The following AFAP1L1 variants were observed in gnomAD, a reference collection of about 807,000 sequenced individuals.
AFAP1L1 encodes actin filament associated protein 1 like 1.
AFAP1L1 carries 77 observed loss-of-function variants against 99.8 expected under a neutral mutation model. That is an observed-to-expected ratio of 0.77 (90% CI 0.64 to 0.93). The LOEUF is 0.93. Among genes scored for constraint, AFAP1L1 ranks in the 40% least tolerant of loss-of-function variants. The probability of loss-of-function intolerance (pLI) is 0.00; values close to 1 mark genes in which losing one functional copy is unlikely to be tolerated. For missense variants in AFAP1L1, 893 were observed against 996.8 expected, an observed-to-expected ratio of 0.90 and a Z score of 1.40; for synonymous variants, 373 against 395.3, an observed-to-expected ratio of 0.94 and a Z score of 0.67.
At chr5:149,336,515 T>C (rs1188385565) in intron 18 of AFAP1L1, among the ~76,000 whole-genome samples, 1 of 152,224 alleles carries the variant, frequency 6.6e-6, no homozygotes, top group Non-Finnish European at 1.5e-5. Flanking sequence ...AGAATGTATT[T>C]CTTAAGAGTT....
intron 4 of AFAP1L1, among the ~76,000 whole-genome samples, chr5:149,302,029 G>T (rs545315570): frequency 4.6e-5 from 7 of 152,218 alleles, no homozygotes; most frequent in African/African-American, 1.7e-4. Context: ...ACTCAGCTGC[G>T]GGTGGTCCTG....
Position 149,293,381 on chromosome 5 carries a change from G to C in AFAP1L1, c.17-6128G>C, listed in dbSNP as rs1755920617. ...CCTGTGCTTTTAGCCACTCTTCCAT[G>C]ACTTATCTTAAGCATCAAGCTTTGT... On this transcript the variant is annotated intron_variant, in intron 1 of 18. Coordinates refer to ENST00000296721, the MANE Select transcript of AFAP1L1 (RefSeq NM_152406.4). Among the ~76,000 whole-genome samples, 3 of 152,268 alleles carry C rather than the reference G, an allele frequency of 2.0e-5. No homozygotes were observed. The East Asian group carries it at 5.8e-4, about 29-fold the overall frequency.
At chr5:149,309,682 G>A (rs1464196238) in intron 7 of AFAP1L1, among the ~76,000 whole-genome samples, 1 of 152,014 alleles carries the variant, frequency 6.6e-6, no homozygotes, top group Non-Finnish European at 1.5e-5. Flanking sequence ...TGGTTCTTTA[G>A]GCTAACCTGG....
intron 7 of AFAP1L1, among the ~76,000 whole-genome samples, chr5:149,308,575 C>A (rs928415667): frequency 3.9e-5 from 6 of 152,202 alleles, no homozygotes; most frequent in African/African-American, 1.4e-4. Flanking sequence ...AGAATAGCTT[C>A]TCTCCCCAGA....
At position 149,332,675 on chromosome 5, in the gene AFAP1L1, A is replaced by G. The variant is rs369538416; in HGVS notation, c.1976-20A>G. The G allele has an allele frequency of 6.2e-7, 1 of 1,603,692 alleles. No homozygotes were observed. The highest frequency in any genetic ancestry group is 8.5e-7 in the Non-Finnish European group (1 of 1,176,462). ...TTCAGGTCAGGTTCAGCTTTTTCTT[A>G]TCAATGTCTCTTGATTCAGGAGCAA... On this transcript the variant is annotated intron_variant, in intron 16 of 18. Transcript: ENST00000296721.
chr5:149,335,561 C>T, intron 17 of AFAP1L1, 33 bp from the exon 18 acceptor site: 2 of 1,608,596 alleles, frequency 1.2e-6, no homozygotes, highest in Non-Finnish European at 1.7e-6. Context: ...ATCACCAGAT[C>T]TCACCTATAT....
In AFAP1L1 at chr5:149,341,362, G is replaced by A. The variant is rs889287231; in HGVS notation, c.*1332G>A. 2.0e-5 allele frequency: 3 copies of A among 152,128 alleles called. No homozygotes were observed. The highest frequency in any genetic ancestry group is 7.2e-5 in the African/African-American group (3 of 41,416). 9.4% of individuals were successfully genotyped at this position (152,128 alleles called of 1,614,324 possible). ...ACCCACTGATTAGTGGCAGAGCGTA[G>A]GACTTAGGGGTTATAAGCCCAGATC... On this transcript the variant is annotated 3_prime_UTR_variant, in exon 19 of 19. Transcript: ENST00000296721.
rs1198026997 is a variant in AFAP1L1, at chr5:149,315,824, C to T, written c.1024C>T (p.Leu342=). 6.2e-7 allele frequency: 1 copy of T among 1,613,990 alleles called. No homozygotes were observed. Among genetic ancestry groups the T allele is most frequent in the Non-Finnish European group, 8.5e-7 (1 of 1,179,988 alleles). ...LLCKLDLDKR[L]SQEKQTSDSD... ...GACTGCCTGTGTCCCTCCTCAGAGG[C>T]TGTCCCAAGAGAAGCAGACCTCAGA... The change falls in exon 10 of 19, where the codon CTG becomes TTG. Residue 342 remains leucine, a synonymous_variant. Coordinates refer to ENST00000296721, the MANE Select transcript of AFAP1L1 (RefSeq NM_152406.4).
intron 7 of AFAP1L1, among the ~76,000 whole-genome samples, chr5:149,308,124 G>A (rs1248163781): frequency 6.6e-6 from 1 of 151,982 alleles, no homozygotes. Flanking sequence ...ACTCCAACTT[G>A]GGCAACGGTG....
chr5:149,290,566 A>G (rs1311687130), intron 1 of AFAP1L1, among the ~76,000 whole-genome samples: 4 of 152,248 alleles, frequency 2.6e-5, no homozygotes, highest in Non-Finnish European at 4.4e-5. Flanking sequence ...TAGAATTAAA[A>G]TCCACCAACT....
rs986913562 is a variant in AFAP1L1, at chr5:149,343,209, C to G, written c.*3179C>G. 1.3e-5 allele frequency among the ~76,000 whole-genome samples: 2 copies of G among 152,124 alleles called. No individual in the cohort carries two copies. Among genetic ancestry groups the G allele is most frequent in the African/African-American group, 4.8e-5 (2 of 41,412 alleles). ...AGATAAAAAGATGAAAATACTCCAG[C>G]TCTGTCCTCATGGAACTCAGAGACA... On this transcript the variant is annotated 3_prime_UTR_variant, in exon 19 of 19. Coordinates refer to ENST00000296721, the MANE Select transcript of AFAP1L1 (RefSeq NM_152406.4).
chr5:149,299,232 G>A (rs1756108994), intron 1 of AFAP1L1, among the ~76,000 whole-genome samples: 1 of 152,192 alleles, frequency 6.6e-6, no homozygotes, highest in Non-Finnish European at 1.5e-5. Flanking sequence ...TGAGCTCAGG[G>A]TTGCCAGATG....
intron 1 of AFAP1L1, among the ~76,000 whole-genome samples, chr5:149,278,362 T>C (rs549884449): frequency 1.3e-5 from 2 of 152,156 alleles, no homozygotes; most frequent in Admixed American, 1.3e-4. Context: ...CACAAATGGC[T>C]TCCACTTCCA....
intron 7 of AFAP1L1, 54 bp downstream of exon 7, chr5:149,307,667 G>T: frequency 6.4e-7 from 1 of 1,566,406 alleles, no homozygotes; most frequent in South Asian, 1.1e-5. Context: ...TTGCATGTGG[G>T]TGTGTCTCTA....
chr5:149,325,962 T>C (rs923346838), intron 15 of AFAP1L1, among the ~76,000 whole-genome samples: 2 of 152,218 alleles, frequency 1.3e-5, no homozygotes, highest in Admixed American at 6.5e-5. Flanking sequence ...AATTTCATTA[T>C]GAGTTTTGGA....
intron 1 of AFAP1L1, among the ~76,000 whole-genome samples, chr5:149,288,499 C>G (rs1755751874): frequency 6.6e-6 from 1 of 152,188 alleles, no homozygotes; most frequent in East Asian, 1.9e-4. Flanking sequence ...CCAGATTACT[C>G]CCTGGGACTA....
At chr5:149,327,537 T>A (rs1366569051) in intron 15 of AFAP1L1, among the ~76,000 whole-genome samples, 4 of 152,028 alleles carry the variant, frequency 2.6e-5, no homozygotes, top group African/African-American at 9.7e-5. Flanking sequence ...AGTATAGTCA[T>A]ATGGAATATA....
At chr5:149,314,822 G>C (rs1165223108) in intron 9 of AFAP1L1, among the ~76,000 whole-genome samples, 1 of 152,248 alleles carries the variant, frequency 6.6e-6, no homozygotes, top group Non-Finnish European at 1.5e-5. Flanking sequence ...TCAGAGCTCT[G>C]TAATTCCACC....
chr5:149,332,884 G>A lies in AFAP1L1; in HGVS notation c.2154+11G>A. 1 of 1,555,746 alleles carries A rather than the reference G, an allele frequency of 6.4e-7. No individual in the cohort carries two copies. The highest frequency in any genetic ancestry group is 8.7e-7 in the Non-Finnish European group (1 of 1,154,580). ...AAGCCCAAGAGTGGGGTGAGTCCAGGCCCTTCCATGCCAGGGGCAGCTACT... is the reference window on the plus strand; with the variant it reads ...AAGCCCAAGAGTGGGGTGAGTCCAGACCCTTCCATGCCAGGGGCAGCTACT... On this transcript the variant is annotated intron_variant, in intron 17 of 18. Transcript: ENST00000296721.
Sources: allele counts gnomAD v4.1 joint callset (sites outside exome capture counted in the v4.1 genomes callset), GRCh38; gene constraint gnomAD v4.1.1; transcripts MANE v1.5; gene names NCBI Gene and HGNC (gene_info 2026-07-23, HGNC 2026-07-21).